MLLT3: variants seen among roughly 807,000 people sequenced by gnomAD.
The protein encoded by MLLT3 is protein AF-9.
A neutral mutation model predicts 53.2 loss-of-function variants in MLLT3; 4 were observed. That is an observed-to-expected ratio of 0.08 (90% confidence interval 0.04 to 0.17). The LOEUF (loss-of-function observed/expected upper bound fraction) is 0.17. Ranked by LOEUF, MLLT3 falls within the 10% of genes least tolerant of loss-of-function variation. The pLI is 1.00. For missense variants in MLLT3, 569 were observed against 684.0 expected (o/e 0.83, Z 1.87); for synonymous variants, 283 against 230.6 (o/e 1.23, Z -2.06).
In MLLT3 at chr9:20,620,472, G is replaced by A. The variant is rs1272351761; in HGVS notation, c.193+182C>T. 6.6e-6 allele frequency among the ~76,000 whole-genome samples: 1 copy of A among 151,054 alleles called. No individual in the cohort carries two copies. The highest frequency in any genetic ancestry group is 2.0e-4 in the East Asian group (1 of 5,084). ...CTGCGGTGACTTTCACCAAGCCGAA[G>A]TGGCGCGCGCGCGGGCAGGCGGGAG... On this transcript the variant is annotated intron_variant, in intron 2 of 10. Transcript: ENST00000380338. The surrounding 1 kb of genome is among the most constrained non-coding windows in gnomAD (Gnocchi z 6.1).
At chr9:20,487,148 G>T (rs984674133) in intron 2 of MLLT3, among the ~76,000 whole-genome samples, 1 of 152,042 alleles carries the variant, frequency 6.6e-6, no homozygotes, top group Non-Finnish European at 1.5e-5. Flanking sequence ...AGGTCCTAAA[G>T]CTGCCGAATA....
intron 2 of MLLT3, among the ~76,000 whole-genome samples, chr9:20,598,510 T>C (rs1284172542): frequency 3.9e-5 from 6 of 152,224 alleles, no homozygotes; most frequent in African/African-American, 1.2e-4. Flanking sequence ...TTCTCAAAAA[T>C]GGCTTTAGTT....
intron 2 of MLLT3, among the ~76,000 whole-genome samples, chr9:20,457,714 T>A (rs1256798146): frequency 6.6e-6 from 1 of 152,156 alleles, no homozygotes; most frequent in Non-Finnish European, 1.5e-5. Flanking sequence ...TAAGAATACA[T>A]AAGAAACAAT....
At chr9:20,532,778 A>G (rs1356016178) in intron 2 of MLLT3, 1 of 262,792 alleles carries the variant, frequency 3.8e-6, no homozygotes, top group Non-Finnish European at 7.3e-6. Flanking sequence ...GGCTGAAAGC[A>G]CTTCCTGAGA....
In MLLT3 at chr9:20,365,726, C is replaced by A. The variant is rs1274469852; in HGVS notation, c.1144G>T (p.Ala382Ser). 1 of 1,614,104 alleles carries A rather than the reference C, an allele frequency of 6.2e-7. No individual in the cohort carries two copies. The change falls in exon 6 of 11, where the codon GCC (alanine) becomes TCC (serine). Residue 382 changes from alanine (A) to serine (S), a missense_variant. Around this residue, in one of 5 missense-constraint regions of MLLT3, gnomAD observed 437 missense variants for 376.5 expected, o/e 1.16. Coordinates refer to ENST00000380338, the MANE Select transcript of MLLT3 (RefSeq NM_004529.4). ...GAGCTGGAGCTGGAGCTGGAGCTGG[C>A]AGGACTGGGTTGTTCAGACTTTAAA... is the stretch of plus-strand genomic sequence containing the variant. ...SKSDSEQPSP[A>S]SSSSSSSSSF... is the part of the protein sequence containing the mutation.
intron 5 of MLLT3, among the ~76,000 whole-genome samples, chr9:20,405,055 A>G (rs1822547192): frequency 6.6e-6 from 1 of 152,190 alleles, no homozygotes; most frequent in African/African-American, 2.4e-5. Flanking sequence ...TATCAATACA[A>G]TAGGTTGGAG....
Position 20,621,929 on chromosome 9 carries a change from G to C in MLLT3, c.12+316C>G. ...TGTGTGTGTGTGTGTGTGAGTGCGC[G>C]CGTGTGAGCGAGAGGGAGTGTGTGA... On this transcript the variant is annotated intron_variant, in intron 1 of 10. Transcript: ENST00000380338. This position sits in a 1 kb window ranked among gnomAD's most constrained non-coding sequence, Gnocchi z 7.0. 7.2e-7 allele frequency: 1 copy of C among 1,384,026 alleles called. No homozygotes were observed. Among genetic ancestry groups the C allele is most frequent in the Non-Finnish European group, 9.3e-7 (1 of 1,074,798 alleles). The allele number at this position is 1,384,026 out of a possible 1,614,324, so 85.7% of individuals were successfully genotyped here.
At chr9:20,569,868 T>G (rs1819484591) in intron 2 of MLLT3, among the ~76,000 whole-genome samples, 1 of 152,180 alleles carries the variant, frequency 6.6e-6, no homozygotes, top group African/African-American at 2.4e-5. Flanking sequence ...TAAAGTCTTC[T>G]TCCCCACCTA....
chr9:20,599,639 A>G lies in MLLT3; in HGVS notation c.193+21015T>C, dbSNP rs183522797. 4.5e-4 allele frequency among the ~76,000 whole-genome samples: 69 copies of G among 152,310 alleles called. No homozygotes were observed. In the East Asian group the frequency reaches 7.7e-3, roughly 17 times the overall value. On this transcript the variant is annotated intron_variant, in intron 2 of 10. Transcript: ENST00000380338. The stretch of plus-strand genomic sequence containing the variant: ...ATGGTATAAACAGAGTAAAACAGTG[A>G]TGAGCTTAGGACTTGGAGTCAAAAG...
intron 2 of MLLT3, among the ~76,000 whole-genome samples, chr9:20,551,730 T>C (rs1274929651): frequency 6.6e-6 from 1 of 152,170 alleles, no homozygotes; most frequent in Non-Finnish European, 1.5e-5. Context: ...CTTCCATAAA[T>C]TCCCAATGAT....
intron 7 of MLLT3, among the ~76,000 whole-genome samples, chr9:20,361,628 T>C (rs1821324568): frequency 1.3e-5 from 2 of 152,188 alleles, no homozygotes; most frequent in African/African-American, 4.8e-5. Flanking sequence ...CAATGATATA[T>C]TTTAAAAATT....
intron 2 of MLLT3, among the ~76,000 whole-genome samples, chr9:20,467,258 G>A (rs1265631861): frequency 6.6e-6 from 1 of 151,984 alleles, no homozygotes; most frequent in Non-Finnish European, 1.5e-5. Flanking sequence ...TGGGACTACA[G>A]GCTGCACCAC....
At position 20,363,595 on chromosome 9, in the gene MLLT3, C is replaced by G. The variant is rs746966497; in HGVS notation, c.1212G>C (p.Arg404Ser). The G allele has an allele frequency of 6.2e-7, 1 of 1,613,590 alleles. No individual in the cohort carries two copies. The highest frequency in any genetic ancestry group is 8.5e-7 in the Non-Finnish European group (1 of 1,179,934). Reference sequence around the variant, plus strand: ...CAGAATGCAGATCTTTCATTATAGACCTCAAAGGACCTGAGTAATGACAAT... The same window carrying G: ...CAGAATGCAGATCTTTCATTATAGAGCTCAAAGGACCTGAGTAATGACAAT... ...PSQTRQQGPL[R>S]SIMKDLHSDD... Residue 404 changes from arginine (R) to serine (S), a missense_variant, in exon 7 of 11, where the codon AGG becomes AGC. Coordinates refer to ENST00000380338, the MANE Select transcript of MLLT3 (RefSeq NM_004529.4).
At chr9:20,363,708 A>C in intron 6 of MLLT3, 103 bp from the exon 7 acceptor site, 1 of 1,041,588 alleles carries the variant, frequency 9.6e-7, no homozygotes, top group Non-Finnish European at 1.3e-6. Flanking sequence ...ACTGGTTAAA[A>C]ATAATCATCA....
intron 2 of MLLT3, among the ~76,000 whole-genome samples, chr9:20,504,602 G>A (rs1399958209): frequency 6.6e-6 from 1 of 151,998 alleles, no homozygotes; most frequent in Non-Finnish European, 1.5e-5. Flanking sequence ...TGGAGAGTTG[G>A]GGAGATGTTG....
chr9:20,448,237 A>G lies in MLLT3; in HGVS notation c.306T>C (p.Tyr102=). 1.9e-6 allele frequency: 3 copies of G among 1,613,694 alleles called. No homozygotes were observed. Among genetic ancestry groups the G allele is most frequent in the African/African-American group, 1.3e-5 (1 of 75,022 alleles). The part of the protein sequence containing the change: ...KEEPRKVRFD[Y]DLFLHLEGHP... ...GGCCTTCAAGATGCAGGAATAAGTC[A>G]TAATCAAAGCGGACTTTCCTAGGTT... Residue 102 remains tyrosine (Y), a synonymous_variant, in exon 4 of 11, where the codon TAT becomes TAC. Coordinates refer to ENST00000380338, the MANE Select transcript of MLLT3 (RefSeq NM_004529.4). This position sits in a 1 kb window ranked among gnomAD's most constrained non-coding sequence, Gnocchi z 4.0.
chr9:20,394,038 T>G (rs1364214585), intron 5 of MLLT3, among the ~76,000 whole-genome samples: 1 of 152,210 alleles, frequency 6.6e-6, no homozygotes, highest in Non-Finnish European at 1.5e-5. Flanking sequence ...TTTCAAATCA[T>G]TCAATGCCAC....
intron 5 of MLLT3, among the ~76,000 whole-genome samples, chr9:20,392,619 AT>A (rs1279150347): frequency 6.6e-6 from 1 of 152,130 alleles, no homozygotes; most frequent in East Asian, 1.9e-4. Flanking sequence ...CTCGATGAGA[AT>A]TTTTTTCTTA....
At chr9:20,565,406 A>G (rs1369144879) in intron 2 of MLLT3, among the ~76,000 whole-genome samples, 1 of 152,132 alleles carries the variant, frequency 6.6e-6, no homozygotes, top group East Asian at 1.9e-4. Flanking sequence ...TTACCAACTC[A>G]CTGCCCAAAA....
Sources: gnomAD v4.1 joint callset for allele counts (sites outside exome capture counted in the v4.1 genomes callset) on GRCh38, gnomAD v4.1.1 for gene constraint, gnomAD v4.1.1 regional missense constraint, Gnocchi (gnomAD v3.1) non-coding constraint, MANE v1.5 for transcripts, NCBI Gene and HGNC (gene_info 2026-07-23, HGNC 2026-07-21) for gene names.